Variants in SHANK2 observed in about 807,000 individuals in gnomAD.
SHANK2 encodes the protein SH3 and multiple ankyrin repeat domains protein 2.
Under a neutral mutation model 133.7 loss-of-function variants are expected in SHANK2, and 43 were observed. The ratio of observed to expected loss-of-function variants is 0.32; its 90% CI spans 0.25 to 0.41. The LOEUF is 0.41. SHANK2 is among the 10% of genes least tolerant of loss of function. The pLI is 1.00. For missense variants in SHANK2, 1,994 were observed against 2,235.8 expected, an observed-to-expected ratio of 0.89 and a Z score of 2.18; for synonymous variants, 1,017 against 952.8, an observed-to-expected ratio of 1.07 and a Z score of -1.24.
chr11:70,825,227 G>A (rs903957297), intron 11 of SHANK2, among the ~76,000 whole-genome samples: 3 of 152,140 alleles, frequency 2.0e-5, no homozygotes, highest in African/African-American at 7.2e-5. Flanking sequence ...GAAAAAAAAA[G>A]TCTATAAAAG....
chr11:70,677,884 C>T (rs1371477355), intron 15 of SHANK2, among the ~76,000 whole-genome samples: 1 of 152,198 alleles, frequency 6.6e-6, no homozygotes, highest in Non-Finnish European at 1.5e-5. Context: ...CTGCTTGTCC[C>T]AGTTGTAGGC....
chr11:71,251,246 C>A (rs1948173552), intron 1 of SHANK2, among the ~76,000 whole-genome samples: 1 of 152,228 alleles, frequency 6.6e-6, no homozygotes, highest in African/African-American at 2.4e-5. Flanking sequence ...GAAAGGCAAG[C>A]CTCGCCCACG....
rs1555034188 is a variant in SHANK2 at position 70,739,083 on chromosome 11, T to C, written c.1778-40320A>G. Among the ~76,000 whole-genome samples the C allele has an allele frequency of 6.6e-6, 1 of 152,168 alleles. No individual in the cohort carries two copies. Among genetic ancestry groups the C allele is most frequent in the African/African-American group, 2.4e-5 (1 of 41,446 alleles). On this transcript the variant is annotated intron_variant, in intron 14 of 25. Transcript: ENST00000601538. The surrounding 1 kb of genome is among the most constrained non-coding windows in gnomAD (Gnocchi z 4.3). Reference sequence around the variant, plus strand: ...CTGCATATCCCACCATCTGGCCCCATTGTCTGGGGACAGGACACACTCCAC... The same window carrying C: ...CTGCATATCCCACCATCTGGCCCCACTGTCTGGGGACAGGACACACTCCAC...
chr11:71,221,451 C>T (rs926590091), intron 2 of SHANK2, among the ~76,000 whole-genome samples: 2 of 152,104 alleles, frequency 1.3e-5, no homozygotes, highest in African/African-American at 4.8e-5. Flanking sequence ...GCCGCTTGAT[C>T]CCCTGTTTCC....
chr11:70,654,925 G>A (rs948365458), intron 17 of SHANK2, among the ~76,000 whole-genome samples: 2 of 151,900 alleles, frequency 1.3e-5, no homozygotes, highest in East Asian at 3.9e-4. Context: ...GCACCACCAC[G>A]CCCAGCTAAT....
chr11:70,862,543 G>T (rs1307560903), intron 11 of SHANK2, among the ~76,000 whole-genome samples: 1 of 152,066 alleles, frequency 6.6e-6, no homozygotes, highest in Non-Finnish European at 1.5e-5. Context: ...GACTGGACTG[G>T]CTGATGGACA....
intron 14 of SHANK2, among the ~76,000 whole-genome samples, chr11:70,770,802 G>A (rs574060564): frequency 2.0e-5 from 3 of 151,690 alleles, no homozygotes; most frequent in African/African-American, 7.3e-5. Context: ...GTCCCTCTCC[G>A]ACACACAGAG....
At chr11:71,073,465 C>CT (rs1193928989) in intron 9 of SHANK2, among the ~76,000 whole-genome samples, 1 of 151,686 alleles carries the variant, frequency 6.6e-6, no homozygotes, top group Non-Finnish European at 1.5e-5. Flanking sequence ...GCCAGGCTTG[C>CT]TTTTTTAATT....
chr11:71,129,035 G>A (rs1344826130), intron 3 of SHANK2, among the ~76,000 whole-genome samples: 1 of 152,138 alleles, frequency 6.6e-6, no homozygotes, highest in Non-Finnish European at 1.5e-5. Context: ...CATCCGCCTC[G>A]GCCTCCCAAA....
At chr11:70,868,916 G>C (rs1286480540) in intron 11 of SHANK2, among the ~76,000 whole-genome samples, 1 of 152,218 alleles carries the variant, frequency 6.6e-6, no homozygotes. Context: ...AGTGCTAGAG[G>C]CTGAACTGTG....
chr11:70,552,984 G>A (rs73522180), intron 17 of SHANK2, among the ~76,000 whole-genome samples: 1,571 of 152,182 alleles, frequency 0.01, 33 homozygotes, highest in African/African-American at 0.035. Flanking sequence ...GCCTTCCCCC[G>A]TGTCCTCATG....
Position 70,953,599 on chromosome 11 carries a change from C to A in SHANK2, c.1108-57032G>T, listed in dbSNP as rs201064147. On this transcript the variant is annotated intron_variant, in intron 10 of 25. Transcript: ENST00000601538. The stretch of plus-strand genomic sequence containing the variant: ...ATCCAGCATGGGAGGAAGAAGGAAG[C>A]CAGGAGACCCAGCAGGCAAGGTCAT... 7.2e-5 allele frequency among the ~76,000 whole-genome samples: 11 copies of A among 152,176 alleles called. No homozygotes were observed. The East Asian group carries it at 2.1e-3, about 30-fold the overall frequency.
intron 1 of SHANK2, among the ~76,000 whole-genome samples, chr11:71,230,475 A>C (rs1954724647): frequency 6.6e-6 from 1 of 151,964 alleles, no homozygotes; most frequent in Admixed American, 6.6e-5. Flanking sequence ...AGGCTGAGGC[A>C]GGAGAATGGC....
chr11:70,784,343 GTTTTTTTTTTTTTTTTTTT>G (rs71049942), intron 14 of SHANK2, among the ~76,000 whole-genome samples: 1 of 42,846 alleles, frequency 2.3e-5, no homozygotes, highest in Non-Finnish European at 4.3e-5. Context: ...ACACCGGCTA[GTTTTTTTTTTTTTTTTTTT>G]TTTTTTTTTT....
chr11:70,498,875 C>G (rs2059009753), intron 21 of SHANK2, among the ~76,000 whole-genome samples: 1 of 152,178 alleles, frequency 6.6e-6, no homozygotes, highest in African/African-American at 2.4e-5. Context: ...CAAGGACACA[C>G]CACTGGATTT....
intron 14 of SHANK2, among the ~76,000 whole-genome samples, chr11:70,715,068 G>A (rs985143101): frequency 2.0e-5 from 3 of 152,002 alleles, no homozygotes; most frequent in Middle Eastern, 3.4e-3. Context: ...GCCTCCCAAA[G>A]CACTGGGATT....
intron 11 of SHANK2, among the ~76,000 whole-genome samples, chr11:70,868,460 G>A (rs1256996959): frequency 2.6e-5 from 4 of 152,240 alleles, no homozygotes; most frequent in Admixed American, 6.5e-5. Context: ...AGCTGGGCAC[G>A]AGGCTATTGA....
intron 15 of SHANK2, among the ~76,000 whole-genome samples, chr11:70,690,805 A>T (rs544919100): frequency 6.6e-6 from 1 of 152,136 alleles, no homozygotes; most frequent in East Asian, 1.9e-4. Context: ...ATCCATTAGC[A>T]TACTGGCAAG....
intron 9 of SHANK2, among the ~76,000 whole-genome samples, chr11:71,070,875 G>A: frequency 6.6e-6 from 1 of 152,212 alleles, no homozygotes; most frequent in East Asian, 1.9e-4. Context: ...GGTGGGGAGA[G>A]GATGTCCTGA....
Sources: allele counts gnomAD v4.1 joint callset (sites outside exome capture counted in the v4.1 genomes callset), GRCh38; gene constraint gnomAD v4.1.1; non-coding constraint Gnocchi (gnomAD v3.1); transcripts MANE v1.5; gene names NCBI Gene and HGNC (gene_info 2026-07-23, HGNC 2026-07-21).